The following DUSP16 variants were observed in gnomAD, a reference collection of about 807,000 sequenced individuals.
The protein encoded by DUSP16 is dual specificity phosphatase 16.
A neutral mutation model predicts 58.3 loss-of-function variants in DUSP16; 21 were observed. That is an observed-to-expected ratio of 0.36 (90% CI 0.26 to 0.52). The LOEUF (loss-of-function observed/expected upper bound fraction) is 0.52, where lower values mean the gene tolerates loss of function less well. Among genes scored for constraint, DUSP16 ranks in the 20% least tolerant of loss-of-function variants. The probability of loss-of-function intolerance (pLI) is 0.94; values close to 1 mark genes in which losing one functional copy is unlikely to be tolerated. For synonymous variants in DUSP16, 320 were observed against 323.8 expected (o/e 0.99, Z 0.12); for missense variants, 726 against 819.0 (o/e 0.89, Z 1.39).
At chr12:12,525,472 C>A (rs1478528188) in intron 1 of DUSP16, among the ~76,000 whole-genome samples, 1 of 151,770 alleles carries the variant, frequency 6.6e-6, no homozygotes, top group Admixed American at 6.6e-5. Flanking sequence ...TTCTCCATGT[C>A]AGGCTGGTCT....
At chr12:12,522,760 C>T (rs1046051211) in intron 1 of DUSP16, among the ~76,000 whole-genome samples, 1 of 151,834 alleles carries the variant, frequency 6.6e-6, no homozygotes, top group Non-Finnish European at 1.5e-5. Context: ...GACAGGGTTT[C>T]GCCATGTTGC....
At chr12:12,550,468 G>T (rs1408761829) in intron 1 of DUSP16, among the ~76,000 whole-genome samples, 1 of 152,214 alleles carries the variant, frequency 6.6e-6, no homozygotes, top group Non-Finnish European at 1.5e-5. Context: ...GTGTACAACA[G>T]TGGGTCGAGG....
chr12:12,507,323 A>G (rs1395372855), intron 3 of DUSP16, among the ~76,000 whole-genome samples: 3 of 152,218 alleles, frequency 2.0e-5, no homozygotes, highest in Non-Finnish European at 1.5e-5. Context: ...AGGGAGAGAC[A>G]GAGGGCCTTT....
intron 1 of DUSP16, among the ~76,000 whole-genome samples, chr12:12,535,351 AT>A (rs1287419508): frequency 2.0e-5 from 3 of 151,900 alleles, no homozygotes; most frequent in Non-Finnish European, 4.4e-5. Flanking sequence ...GGGGAAAAAA[AT>A]TTTTTTTTAC....
intron 3 of DUSP16, among the ~76,000 whole-genome samples, chr12:12,511,192 G>A (rs908618593): frequency 6.6e-6 from 1 of 152,178 alleles, no homozygotes; most frequent in Non-Finnish European, 1.5e-5. Context: ...CAGTTAAGAG[G>A]CTCCTGGAGC....
intron 1 of DUSP16, among the ~76,000 whole-genome samples, chr12:12,555,683 G>A (rs1242398257): frequency 6.6e-6 from 1 of 152,238 alleles, no homozygotes; most frequent in South Asian, 2.1e-4. Flanking sequence ...TATTTTTGAG[G>A]AGTACAAGTC....
intron 1 of DUSP16, among the ~76,000 whole-genome samples, chr12:12,521,708 T>C (rs935890112): frequency 2.6e-5 from 4 of 152,170 alleles, no homozygotes; most frequent in Non-Finnish European, 5.9e-5. Flanking sequence ...ACAAGACATA[T>C]CATGAATTAT....
chr12:12,537,212 T>G (rs1340079010), intron 1 of DUSP16, among the ~76,000 whole-genome samples: 2 of 152,194 alleles, frequency 1.3e-5, no homozygotes, highest in Non-Finnish European at 2.9e-5. Context: ...ACGTAACTCA[T>G]GTCATGTCAT....
At position 12,473,354 on chromosome 12, in the gene DUSP16, A is replaced by G. The variant is rs1293956598; in HGVS notation, c.*3479T>C. ...CAACAATAGCCTGCTGAGGCTGGTC[A>G]TGAAGGGGCTCCGAGCACTGTCAGC... On this transcript the variant is annotated 3_prime_UTR_variant, in exon 7 of 7. Transcript: ENST00000298573. Among the ~76,000 whole-genome samples the G allele has an allele frequency of 2.6e-5, 4 of 152,188 alleles. No individual in the cohort carries two copies. In the South Asian group the frequency reaches 8.3e-4, roughly 31 times the overall value.
At chr12:12,501,213 ATTCTATCAAG>A (rs1943905226) in intron 3 of DUSP16, among the ~76,000 whole-genome samples, 1 of 152,208 alleles carries the variant, frequency 6.6e-6, no homozygotes, top group Non-Finnish European at 1.5e-5. Flanking sequence ...ACCTACGAAT[ATTCTATCAAG>A]TTCTGGGGAT....
chr12:12,515,703 A>G (rs1180554767), intron 3 of DUSP16, among the ~76,000 whole-genome samples: 2 of 152,018 alleles, frequency 1.3e-5, no homozygotes, highest in Admixed American at 6.6e-5. Flanking sequence ...TACTTATTCA[A>G]TAACCTGACT....
At chr12:12,512,178 G>A (rs896409136) in intron 3 of DUSP16, among the ~76,000 whole-genome samples, 1 of 152,130 alleles carries the variant, frequency 6.6e-6, no homozygotes, top group Non-Finnish European at 1.5e-5. Context: ...ATACACAGCA[G>A]CCAGTGAGCA....
At chr12:12,551,022 A>C (rs1944716572) in intron 1 of DUSP16, among the ~76,000 whole-genome samples, 1 of 152,160 alleles carries the variant, frequency 6.6e-6, no homozygotes, top group Non-Finnish European at 1.5e-5. Context: ...GCACACATAA[A>C]GCATTTCTGC....
chr12:12,474,162 A>G lies in DUSP16; in HGVS notation c.*2671T>C, dbSNP rs115222212. Reference sequence around the variant, plus strand: ...GGTTTCACCACTGCCTCCTTTGGCAACTTGAGTGGTGGTGTTCCCACCGAG... The same window carrying G: ...GGTTTCACCACTGCCTCCTTTGGCAGCTTGAGTGGTGGTGTTCCCACCGAG... On this transcript the variant is annotated 3_prime_UTR_variant, in exon 7 of 7. Transcript: ENST00000298573. 4.6e-5 allele frequency: 7 copies of G among 152,232 alleles called. No homozygotes were observed. Among genetic ancestry groups the G allele is most frequent in the Non-Finnish European group, 8.8e-5 (6 of 68,046 alleles). 9.4% of individuals were successfully genotyped at this position (152,232 alleles called of 1,614,324 possible).
chr12:12,545,700 T>C (rs1944631763), intron 1 of DUSP16, among the ~76,000 whole-genome samples: 1 of 152,160 alleles, frequency 6.6e-6, no homozygotes, highest in African/African-American at 2.4e-5. Flanking sequence ...ATCACCACAA[T>C]CAAGATGCAG....
chr12:12,554,027 A>G (rs1471060659), intron 1 of DUSP16, among the ~76,000 whole-genome samples: 3 of 151,752 alleles, frequency 2.0e-5, no homozygotes, highest in Non-Finnish European at 4.4e-5. Flanking sequence ...GTGAAACCAC[A>G]TCTCTACTAA....
At chr12:12,503,572 C>T (rs935147988) in intron 3 of DUSP16, among the ~76,000 whole-genome samples, 4 of 152,082 alleles carry the variant, frequency 2.6e-5, no homozygotes, top group African/African-American at 9.7e-5. Context: ...TGTTTAGCTA[C>T]ACCTCCTTAG....
chr12:12,548,164 AC>A (rs1365936911), intron 1 of DUSP16, among the ~76,000 whole-genome samples: 1 of 151,738 alleles, frequency 6.6e-6, no homozygotes, highest in African/African-American at 2.4e-5. Context: ...CAACTCAACA[AC>A]AAAAAACTCA....
In DUSP16 at chr12:12,477,381, A is replaced by G. The variant is rs747157601; in HGVS notation, c.1450T>C (p.Leu484=). The G allele has an allele frequency of 1.9e-5, 31 of 1,613,714 alleles. No homozygotes were observed. The highest frequency in any genetic ancestry group is 5.5e-5 in the South Asian group (5 of 91,052). ...CTGCTGCTGGTTCTGACCGAATGCAATCGCTTGCTCTGGCTGTCTGAAGGC... is the reference window on the plus strand; with the variant it reads ...CTGCTGCTGGTTCTGACCGAATGCAGTCGCTTGCTCTGGCTGTCTGAAGGC... The part of the protein sequence containing the change: ...ARPSDSQSKR[L]HSVRTSSSGT... The change falls in exon 7 of 7, where the codon TTG becomes CTG. Residue 484 remains leucine (L), a synonymous_variant. Coordinates refer to ENST00000298573, the MANE Select transcript of DUSP16 (RefSeq NM_030640.3). This position sits in a 1 kb window ranked among gnomAD's most constrained non-coding sequence, Gnocchi z 4.1.
Sources: gnomAD v4.1 joint callset for allele counts (sites outside exome capture counted in the v4.1 genomes callset) on GRCh38, gnomAD v4.1.1 for gene constraint, Gnocchi (gnomAD v3.1) non-coding constraint, MANE v1.5 for transcripts, NCBI Gene and HGNC (gene_info 2026-07-23, HGNC 2026-07-21) for gene names.